TANC2: variants seen among roughly 807,000 people sequenced by gnomAD.
The protein encoded by TANC2 is tetratricopeptide repeat, ankyrin repeat and coiled-coil containing 2.
TANC2 carries 26 observed loss-of-function variants against 210.5 expected under a neutral mutation model. The ratio of observed to expected loss-of-function variants is 0.12; its 90% CI spans 0.09 to 0.17. TANC2 has a LOEUF of 0.17. Ranked by LOEUF, TANC2 falls within the 10% of genes least tolerant of loss-of-function variation. The pLI is 1.00. For missense variants in TANC2, 2,129 were observed against 2,608.9 expected, an observed-to-expected ratio of 0.82 and a Z score of 4.01; for synonymous variants, 931 against 967.1, an observed-to-expected ratio of 0.96 and a Z score of 0.69.
chr17:63,318,805 GTACAAGTTTTT>G (rs1413901796), intron 10 of TANC2, among the ~76,000 whole-genome samples, 141 bp from the exon 11 acceptor site: 1 of 152,154 alleles, frequency 6.6e-6, no homozygotes, highest in Non-Finnish European at 1.5e-5. Context: ...GAACACTTGT[GTACAAGTTTTT>G]GGGTGGACAT....
At chr17:63,018,328 A>G (rs1254230288) in intron 2 of TANC2, among the ~76,000 whole-genome samples, 1 of 151,840 alleles carries the variant, frequency 6.6e-6, no homozygotes, top group Non-Finnish European at 1.5e-5. Context: ...CGTCTCTACT[A>G]AAAATACAAA....
chr17:63,222,145 T>A (rs2042210116), intron 7 of TANC2, among the ~76,000 whole-genome samples: 1 of 152,184 alleles, frequency 6.6e-6, no homozygotes, highest in Non-Finnish European at 1.5e-5. Flanking sequence ...AGCATCATCC[T>A]CACATGATGG....
At chr17:63,216,036 C>G (rs1043491548) in intron 7 of TANC2, among the ~76,000 whole-genome samples, 1 of 151,924 alleles carries the variant, frequency 6.6e-6, no homozygotes, top group Non-Finnish European at 1.5e-5. Flanking sequence ...TGGGCATGAG[C>G]CACCGCTCCT....
chr17:63,002,814 G>C (rs1417063236), intron 1 of TANC2, among the ~76,000 whole-genome samples: 5 of 152,206 alleles, frequency 3.3e-5, no homozygotes, highest in Non-Finnish European at 7.3e-5. Context: ...GACTGTATGA[G>C]TAGTTCATTC....
intron 4 of TANC2, among the ~76,000 whole-genome samples, chr17:63,115,239 A>G (rs2038208673): frequency 6.6e-6 from 1 of 152,218 alleles, no homozygotes; most frequent in Non-Finnish European, 1.5e-5. Flanking sequence ...ACAGAATGAG[A>G]TAGGCTGTCC....
Position 63,070,457 on chromosome 17 carries a change from C to G in TANC2, c.68-3486C>G, listed in dbSNP as rs545555081. 2.0e-5 allele frequency among the ~76,000 whole-genome samples: 3 copies of G among 152,146 alleles called. No homozygotes were observed. The South Asian group carries it at 6.2e-4, about 32-fold the overall frequency. On this transcript the variant is annotated intron_variant, in intron 2 of 27. Transcript: ENST00000689528. ...ATTAAACTTTCAATGGCCCCTAGGC[C>G]GGACATCATTTGCAGAGCCGCCTTC... is the stretch of plus-strand genomic sequence containing the variant.
At chr17:63,341,208 A>G (rs147657203) in intron 12 of TANC2, among the ~76,000 whole-genome samples, 29 of 152,310 alleles carry the variant, frequency 1.9e-4, no homozygotes, top group Middle Eastern at 3.4e-3. Context: ...CAGTTATTTC[A>G]GCTTCCATGC....
intron 17 of TANC2, among the ~76,000 whole-genome samples, chr17:63,394,664 C>G (rs542626282): frequency 2.0e-5 from 3 of 152,340 alleles, no homozygotes; most frequent in Non-Finnish European, 4.4e-5. Context: ...ATACATTAAT[C>G]ATTTTCCATC....
chr17:63,204,939 G>C (rs1009820374), intron 7 of TANC2, among the ~76,000 whole-genome samples: 6 of 151,918 alleles, frequency 3.9e-5, no homozygotes. Flanking sequence ...ACAAAAAGTA[G>C]CCAGGCGTGG....
At chr17:63,379,025 C>G (rs1219054340) in intron 14 of TANC2, among the ~76,000 whole-genome samples, 1 of 152,080 alleles carries the variant, frequency 6.6e-6, no homozygotes, top group African/African-American at 2.4e-5. Context: ...GTGGTGAAGG[C>G]TTTGAGGATG....
chr17:63,187,172 C>T (rs1372842748), intron 5 of TANC2, among the ~76,000 whole-genome samples: 2 of 152,078 alleles, frequency 1.3e-5, no homozygotes, highest in Admixed American at 1.3e-4. Context: ...TGATGCCTGG[C>T]AATATGGTGA....
intron 2 of TANC2, among the ~76,000 whole-genome samples, chr17:63,047,936 G>A (rs1052455122): frequency 2.0e-5 from 3 of 152,182 alleles, no homozygotes; most frequent in Admixed American, 1.3e-4. Context: ...CTGTGAAGAA[G>A]TGTGATTGGA....
chr17:63,291,823 T>C (rs748814140), intron 9 of TANC2, among the ~76,000 whole-genome samples: 46 of 152,296 alleles, frequency 3.0e-4, no homozygotes, highest in Non-Finnish European at 5.6e-4. Context: ...CCTCCAAGAT[T>C]ACAGCACTAT....
chr17:63,267,297 GTC>G, intron 8 of TANC2, among the ~76,000 whole-genome samples: 1 of 151,976 alleles, frequency 6.6e-6, no homozygotes, highest in African/African-American at 2.4e-5. Flanking sequence ...TTTTGTTACT[GTC>G]TCTGCAGCTT....
Position 63,385,582 on chromosome 17 carries a change from T to C in TANC2, c.2692-3053T>C, listed in dbSNP as rs138423957. 2.7e-4 allele frequency among the ~76,000 whole-genome samples: 41 copies of C among 152,368 alleles called. 1 individual carries two copies. Among genetic ancestry groups the C allele is most frequent in the Admixed American group, 6.5e-4 (10 of 15,300 alleles). Reference sequence around the variant, plus strand: ...TAAACTGCATGGCCAAATGAGAGTTTGTAATTGATGTCCCTGTTACTTGCA... The same window carrying C: ...TAAACTGCATGGCCAAATGAGAGTTCGTAATTGATGTCCCTGTTACTTGCA... On this transcript the variant is annotated intron_variant, in intron 15 of 27. Coordinates refer to ENST00000689528, the Ensembl canonical transcript of TANC2.
intron 5 of TANC2, among the ~76,000 whole-genome samples, chr17:63,161,476 C>A (rs1450756245): frequency 6.6e-6 from 1 of 152,202 alleles, no homozygotes; most frequent in African/African-American, 2.4e-5. Flanking sequence ...TTCCAGTTCT[C>A]ATTTTATTTA....
chr17:63,293,125 G>A (rs2044431139), intron 9 of TANC2, among the ~76,000 whole-genome samples: 1 of 152,090 alleles, frequency 6.6e-6, no homozygotes, highest in Non-Finnish European at 1.5e-5. Context: ...CCTGGGATAG[G>A]AATAGCTGCC....
intron 18 of TANC2, chr17:63,396,148 G>A (rs1019705726): frequency 1.6e-5 from 8 of 498,628 alleles, no homozygotes; most frequent in African/African-American, 3.9e-5. Context: ...GGAAAGGACC[G>A]TGGAAATGAT....
chr17:63,304,521 G>A (rs2044832370), intron 9 of TANC2, among the ~76,000 whole-genome samples: 1 of 152,060 alleles, frequency 6.6e-6, no homozygotes. Flanking sequence ...TTCTGTATAG[G>A]GTGTCTGACA....
Sources: allele counts gnomAD v4.1 joint callset (sites outside exome capture counted in the v4.1 genomes callset), GRCh38; gene constraint gnomAD v4.1.1; transcripts MANE v1.5; gene names NCBI Gene and HGNC (gene_info 2026-07-23, HGNC 2026-07-21).